Variants in PDE4B observed in about 807,000 individuals in gnomAD.
PDE4B encodes the protein phosphodiesterase 4B.
Under a neutral mutation model 82.2 loss-of-function variants are expected in PDE4B, and 20 were observed. The observed-to-expected ratio is 0.24, with a 90% CI of 0.17 to 0.35. The LOEUF (loss-of-function observed/expected upper bound fraction) is 0.35, where lower values mean the gene tolerates loss of function less well. Ranked by LOEUF, PDE4B falls within the 10% of genes least tolerant of loss-of-function variation. The pLI is 1.00. For synonymous variants in PDE4B, 320 were observed against 318.9 expected, an observed-to-expected ratio of 1.00 and a Z score of -0.04; for missense variants, 655 against 907.2, an observed-to-expected ratio of 0.72 and a Z score of 3.57.
intron 1 of PDE4B, among the ~76,000 whole-genome samples, chr1:65,823,537 C>T (rs1352799495): frequency 2.0e-5 from 3 of 152,028 alleles, no homozygotes; most frequent in Non-Finnish European, 2.9e-5. Context: ...AGGCCCTTGC[C>T]ATGTTATAAC....
chr1:66,112,781 C>T (rs1645515425), intron 3 of PDE4B: 1 of 152,164 alleles, frequency 6.6e-6, no homozygotes, highest in African/African-American at 2.4e-5. Context: ...TTACCAATGG[C>T]TTCATGTCCA....
chr1:65,929,124 T>A (rs1647687057), intron 3 of PDE4B, among the ~76,000 whole-genome samples: 1 of 152,104 alleles, frequency 6.6e-6, no homozygotes, highest in Non-Finnish European at 1.5e-5. Flanking sequence ...TTAGTCTAGT[T>A]ATAGGTCTAG....
At chr1:66,334,042 C>G (rs1214466851) in intron 8 of PDE4B, among the ~76,000 whole-genome samples, 2 of 152,208 alleles carry the variant, frequency 1.3e-5, no homozygotes, top group Non-Finnish European at 2.9e-5. Context: ...CCAAATCACA[C>G]TGGGACTCCA....
intron 3 of PDE4B, among the ~76,000 whole-genome samples, chr1:66,105,950 G>C (rs926312557): frequency 1.3e-5 from 2 of 151,876 alleles, no homozygotes; most frequent in African/African-American, 4.8e-5. Flanking sequence ...CTGCCTAATT[G>C]CCCTGGCCAG....
intron 3 of PDE4B, among the ~76,000 whole-genome samples, chr1:66,079,489 T>TAGC (rs1355578148): frequency 6.6e-6 from 1 of 152,124 alleles, no homozygotes; most frequent in Non-Finnish European, 1.5e-5. Context: ...TGCAGAGTAG[T>TAGC]AGCACATCGT....
intron 1 of PDE4B, among the ~76,000 whole-genome samples, chr1:65,867,123 A>G (rs1403415096): frequency 6.6e-6 from 1 of 152,216 alleles, no homozygotes; most frequent in Non-Finnish European, 1.5e-5. Flanking sequence ...AAGCTGGATT[A>G]TTGAGGTACA....
At chr1:66,277,672 GCATGAGC>G (rs1655986465) in intron 7 of PDE4B, among the ~76,000 whole-genome samples, 1 of 152,176 alleles carries the variant, frequency 6.6e-6, no homozygotes, top group African/African-American at 2.4e-5. Flanking sequence ...GGGATTACAG[GCATGAGC>G]CACCACGCCC....
intron 3 of PDE4B, among the ~76,000 whole-genome samples, chr1:66,188,762 C>G (rs1338082561): frequency 6.6e-6 from 1 of 151,662 alleles, no homozygotes; most frequent in Non-Finnish European, 1.5e-5. Flanking sequence ...GAATACAGCA[C>G]ACTGATCGGT....
intron 3 of PDE4B, among the ~76,000 whole-genome samples, chr1:66,099,732 T>C (rs1357223375): frequency 1.3e-5 from 2 of 152,124 alleles, no homozygotes; most frequent in Admixed American, 6.6e-5. Flanking sequence ...CAAGCACATA[T>C]TGACACCTAC....
chr1:65,894,514 A>G (rs1052128464), intron 1 of PDE4B, among the ~76,000 whole-genome samples: 3 of 152,202 alleles, frequency 2.0e-5, no homozygotes, highest in Non-Finnish European at 4.4e-5. Flanking sequence ...ATATAAAATT[A>G]ATAAATTGGA....
chr1:66,346,578 G>C (rs1661411238), intron 8 of PDE4B, among the ~76,000 whole-genome samples: 1 of 152,174 alleles, frequency 6.6e-6, no homozygotes, highest in African/African-American at 2.4e-5. Context: ...GTCAACCAGA[G>C]AGTCTGAACT....
intron 1 of PDE4B, among the ~76,000 whole-genome samples, chr1:65,841,551 T>C (rs1166892134): frequency 2.0e-5 from 3 of 152,066 alleles, no homozygotes; most frequent in Non-Finnish European, 4.4e-5. Context: ...CAAAAACGGG[T>C]TATGAACCAG....
intron 3 of PDE4B, among the ~76,000 whole-genome samples, chr1:65,948,145 A>T (rs552883742): frequency 6.6e-6 from 1 of 151,690 alleles, no homozygotes. Context: ...GGTTCTGCCA[A>T]CTGCTAAGTA....
intron 3 of PDE4B, among the ~76,000 whole-genome samples, chr1:66,181,937 A>T (rs539384617): frequency 1.3e-5 from 2 of 152,272 alleles, no homozygotes; most frequent in Non-Finnish European, 2.9e-5. Flanking sequence ...ATAGAGGGAA[A>T]AAAAGATAGA....
At chr1:66,172,396 G>A (rs1646854278) in intron 3 of PDE4B, among the ~76,000 whole-genome samples, 1 of 152,208 alleles carries the variant, frequency 6.6e-6, no homozygotes, top group Non-Finnish European at 1.5e-5. Flanking sequence ...ATTGTGAATA[G>A]TGCTGTGATG....
intron 3 of PDE4B, among the ~76,000 whole-genome samples, chr1:65,986,430 C>T (rs957477056): frequency 1.3e-5 from 2 of 152,164 alleles, no homozygotes; most frequent in Non-Finnish European, 2.9e-5. Flanking sequence ...TGAGACATGA[C>T]ATGCTTGACA....
chr1:66,123,359 A>T (rs567238494), intron 3 of PDE4B, among the ~76,000 whole-genome samples: 44 of 152,296 alleles, frequency 2.9e-4, no homozygotes, highest in African/African-American at 1.1e-3. Context: ...TGTCTGTCCA[A>T]CTTGCTTTCT....
intron 3 of PDE4B, among the ~76,000 whole-genome samples, chr1:66,093,758 G>A (rs1386541815): frequency 4.6e-5 from 7 of 151,956 alleles, no homozygotes; most frequent in African/African-American, 1.5e-4. Flanking sequence ...CACATGCTTA[G>A]CAATCATTTT....
chr1:65,829,835 T>TA (rs1256339380), intron 1 of PDE4B, among the ~76,000 whole-genome samples: 3 of 152,168 alleles, frequency 2.0e-5, no homozygotes, highest in African/African-American at 4.8e-5. Context: ...GTCAGAGATG[T>TA]TGGTACGATC....
Sources: gnomAD v4.1 joint callset for allele counts (sites outside exome capture counted in the v4.1 genomes callset) on GRCh38, gnomAD v4.1.1 for gene constraint, MANE v1.5 for transcripts, NCBI Gene and HGNC (gene_info 2026-07-23, HGNC 2026-07-21) for gene names.